The following NIBAN2 variants were observed in gnomAD, a reference collection of about 807,000 sequenced individuals.
The protein encoded by NIBAN2 is niban apoptosis regulator 2.
A neutral mutation model predicts 81.8 loss-of-function variants in NIBAN2; 36 were observed. The observed-to-expected ratio is 0.44, with a 90% confidence interval of 0.34 to 0.58. The LOEUF is 0.58. Ranked by LOEUF, NIBAN2 falls within the 20% of genes least tolerant of loss-of-function variation. The pLI is 0.02. For synonymous variants in NIBAN2, 445 were observed against 441.6 expected (o/e 1.01, Z -0.10); for missense variants, 897 against 1,014.1 (o/e 0.88, Z 1.57).
Position 127,507,954 on chromosome 9 carries a change from T to G in NIBAN2, c.1567A>C (p.Ile523Leu), listed in dbSNP as rs1206250254. 1.2e-6 allele frequency: 2 copies of G among 1,614,106 alleles called. No homozygotes were observed. Among genetic ancestry groups the G allele is most frequent in the Admixed American group, 1.7e-5 (1 of 60,024 alleles). The change falls in exon 13 of 14, where the codon ATC becomes CTC. Residue 523 changes from isoleucine to leucine, a missense_variant. Transcript: ENST00000373312. The surrounding 1 kb of genome is among the most constrained non-coding windows in gnomAD (Gnocchi z 6.8). ...ATGAACCTGGCAAAGTCCTCGAAGA[T>G]CAGCTCCTGGAACCGGGGCAGCTCC... ...KSELPRFQEL[I>L]FEDFARFILV...
intron 4 of NIBAN2, chr9:127,524,806 A>G (rs928265218): frequency 1.3e-5 from 5 of 386,622 alleles, no homozygotes; most frequent in Non-Finnish European, 2.3e-5. Context: ...GATGCCAAGA[A>G]GAGTAACTCC....
At chr9:127,577,710 T>TTTTGTTTGTTTTTTTGTTTG (rs1838025899) in intron 1 of NIBAN2, among the ~76,000 whole-genome samples, 1 of 151,856 alleles carries the variant, frequency 6.6e-6, no homozygotes, top group Admixed American at 6.6e-5. Flanking sequence ...TGCTATATCT[T>TTTTGTTTGTTTTTTTGTTTG]TTTGTTTGTT....
chr9:127,539,476 G>A (rs977775425), intron 1 of NIBAN2, among the ~76,000 whole-genome samples: 3 of 152,190 alleles, frequency 2.0e-5, no homozygotes, highest in Non-Finnish European at 2.9e-5. Context: ...TGTCAGAGCC[G>A]GGACTGAGGT....
Position 127,521,717 on chromosome 9 carries a change from C to T in NIBAN2, c.589+1962G>A, listed in dbSNP as rs143407205. ...CCCGCCCTGGGGAGAAGGGGCCACCCGGCAGGACACCTTCCTGGCACAGGA... is the reference window on the plus strand; with the variant it reads ...CCCGCCCTGGGGAGAAGGGGCCACCTGGCAGGACACCTTCCTGGCACAGGA... On this transcript the variant is annotated intron_variant, in intron 5 of 13. Coordinates refer to ENST00000373312, the MANE Select transcript of NIBAN2 (RefSeq NM_022833.4). Among the ~76,000 whole-genome samples, 18 of 152,302 alleles carry T rather than the reference C, an allele frequency of 1.2e-4. No homozygotes were observed. In the East Asian group the frequency reaches 3.3e-3, roughly 28 times the overall value.
exon 1 of NIBAN2, chr9:127,578,947 T>G (rs765277529): frequency 6.2e-7 from 1 of 1,608,646 alleles, no homozygotes; most frequent in African/African-American, 1.3e-5. Context: ...TCCTCCAGAG[T>G]GAGAGCCCCA....
upstream of NIBAN2, among the ~76,000 whole-genome samples, chr9:127,573,449 C>CT (rs11394598): frequency 0.032 from 4,620 of 146,150 alleles, 217 homozygotes; most frequent in African/African-American, 0.092. Flanking sequence ...GTTATTTGCC[C>CT]TTTTTTTTTT....
intron 1 of NIBAN2, among the ~76,000 whole-genome samples, chr9:127,555,430 C>A (rs1222346702): frequency 6.6e-6 from 1 of 152,258 alleles, no homozygotes. Context: ...GCTCTCGCTG[C>A]AGTTCCACAG....
At position 127,545,279 on chromosome 9, in the gene NIBAN2, TCCCTGGCCTCCACTCCCACAGC is replaced by T. The variant is rs377354645; in HGVS notation, c.56-13523_56-13502del. Among the ~76,000 whole-genome samples the T allele has an allele frequency of 0.021, 3,183 of 152,060 alleles. 110 individuals carry two copies. Among genetic ancestry groups the T allele is most frequent in the African/African-American group, 0.073 (3,020 of 41,448 alleles). On this transcript the variant is annotated intron_variant, in intron 1 of 13. Coordinates refer to ENST00000373312, the MANE Select transcript of NIBAN2 (RefSeq NM_022833.4). This position sits in a 1 kb window ranked among gnomAD's most constrained non-coding sequence, Gnocchi z 4.7. ...CCCGGCCTCCCAGGTCTCCACAGCC[TCCCTGGCCTCCACTCCCACAGC>T]CCCTGGCCTGCTCCCCGGCACTCCC...
intron 1 of NIBAN2, among the ~76,000 whole-genome samples, chr9:127,533,458 A>AAAAAC (rs537659922): frequency 1.1e-4 from 16 of 152,056 alleles, no homozygotes; most frequent in Non-Finnish European, 1.5e-4. Context: ...CTCCATCTCA[A>AAAAAC]AAAACAAAAC....
At position 127,568,978 on chromosome 9, in the gene NIBAN2, C is replaced by CCCGCTCCCG. The variant is rs151147273; in HGVS notation, c.-113_-105dup. 6,933 of 1,116,884 alleles carry CCCGCTCCCG rather than the reference C, an allele frequency of 6.2e-3. 208 individuals carry two copies. In the African/African-American group the frequency reaches 0.073, roughly 12 times the overall value. The allele number at this position is 1,116,884 out of a possible 1,614,324, so 69.2% of individuals were successfully genotyped here. A position where few individuals can be genotyped will look rare whatever the true frequency, so the allele number is the denominator to read the frequency against. On this transcript the variant is annotated 5_prime_UTR_variant, in exon 1 of 14. Transcript: ENST00000373312. ...ATGGAGCCCGGCCCGCCCTGCTTCC[C>CCCGCTCCCG]CCGCTCCCGCCGCTCCCGCCGCTCC...
Position 127,507,723 on chromosome 9 carries a change from A to G in NIBAN2, c.1654+144T>C, listed in dbSNP as rs1481452361. On this transcript the variant is annotated intron_variant, in intron 13 of 13. Coordinates refer to ENST00000373312, the MANE Select transcript of NIBAN2 (RefSeq NM_022833.4). This position sits in a 1 kb window ranked among gnomAD's most constrained non-coding sequence, Gnocchi z 6.8. ...GCTAAGGCTGCTCCGGAGGCCACAC[A>G]GCGAAGAGTGGGCTTCACCCAGACC... 2 of 768,934 alleles carry G rather than the reference A, an allele frequency of 2.6e-6. No individual in the cohort carries two copies. The highest frequency in any genetic ancestry group is 2.5e-5 in the East Asian group (1 of 39,956). The allele number at this position is 768,934 out of a possible 1,614,324, so 47.6% of individuals were successfully genotyped here.
chr9:127,528,495 C>A (rs552275629), intron 2 of NIBAN2, among the ~76,000 whole-genome samples: 1 of 152,144 alleles, frequency 6.6e-6, no homozygotes, highest in African/African-American at 2.4e-5. Flanking sequence ...CCTGGCTCTG[C>A]GCTGGCCCAT....
chr9:127,512,309 A>G (rs192506704), intron 8 of NIBAN2, among the ~76,000 whole-genome samples: 1 of 144,216 alleles, frequency 6.9e-6, no homozygotes, highest in Admixed American at 7.1e-5. Flanking sequence ...TTTTTGAGAC[A>G]GGGTCTCACT....
In NIBAN2 at chr9:127,523,134, T is replaced by C. The variant is rs1330609970; in HGVS notation, c.589+545A>G. 2.4e-5 allele frequency among the ~76,000 whole-genome samples: 3 copies of C among 127,288 alleles called. No homozygotes were observed. The South Asian group carries it at 7.7e-4, about 33-fold the overall frequency. 83.5% of individuals were successfully genotyped at this position (127,288 alleles called of 152,430 possible). ...AGCAATGAGGCCCTGAGGGAGGCAG[T>C]GAAGTTTCCAAATCACCCTGCAGGT... On this transcript the variant is annotated intron_variant, in intron 5 of 13. Coordinates refer to ENST00000373312, the MANE Select transcript of NIBAN2 (RefSeq NM_022833.4).
intron 1 of NIBAN2, among the ~76,000 whole-genome samples, chr9:127,534,840 GAA>G (rs1369592282): frequency 6.6e-6 from 1 of 152,180 alleles, no homozygotes; most frequent in Non-Finnish European, 1.5e-5. Flanking sequence ...GGGGCAAATG[GAA>G]GAGAGTCATA....
chr9:127,527,403 G>C, intron 2 of NIBAN2, 81 bp from the exon 3 acceptor site: 1 of 1,365,378 alleles, frequency 7.3e-7, no homozygotes, highest in South Asian at 1.2e-5. Context: ...CCAGCCAGCA[G>C]AGCCTGTGTG....
chr9:127,533,252 A>G (rs761473664), intron 1 of NIBAN2, among the ~76,000 whole-genome samples: 11 of 151,714 alleles, frequency 7.3e-5, no homozygotes, highest in Non-Finnish European at 1.2e-4. Context: ...GTCAGGAGAT[A>G]GAGACCACCC....
At chr9:127,549,529 C>T (rs1439088820) in intron 1 of NIBAN2, among the ~76,000 whole-genome samples, 1 of 152,222 alleles carries the variant, frequency 6.6e-6, no homozygotes, top group Admixed American at 6.5e-5. Flanking sequence ...CACACTTACA[C>T]ATGTGCACAC....
At chr9:127,548,988 G>A (rs1837524445) in intron 1 of NIBAN2, among the ~76,000 whole-genome samples, 1 of 152,186 alleles carries the variant, frequency 6.6e-6, no homozygotes, top group Non-Finnish European at 1.5e-5. Flanking sequence ...CTGGAGGTGT[G>A]TAAGCAGAGG....
Sources: gnomAD v4.1 joint callset for allele counts (sites outside exome capture counted in the v4.1 genomes callset) on GRCh38, gnomAD v4.1.1 for gene constraint, Gnocchi (gnomAD v3.1) non-coding constraint, MANE v1.5 for transcripts, NCBI Gene and HGNC (gene_info 2026-07-23, HGNC 2026-07-21) for gene names.